SYT17: variants seen among roughly 807,000 people sequenced by gnomAD.
SYT17 encodes synaptotagmin 17.
A neutral mutation model predicts 46.7 loss-of-function variants in SYT17; 22 were observed. That is an observed-to-expected ratio of 0.47 (90% CI 0.34 to 0.67). The LOEUF (loss-of-function observed/expected upper bound fraction) is 0.67, where lower values mean the gene tolerates loss of function less well. SYT17 is among the 30% of genes least tolerant of loss of function. The pLI is 0.01. For missense variants in SYT17, 519 were observed against 612.8 expected (o/e 0.85, Z 1.62); for synonymous variants, 251 against 248.4 (o/e 1.01, Z -0.10).
Position 19,250,253 on chromosome 16 carries a change from C to T in SYT17, c.1229-16627C>T, listed in dbSNP as rs77904098. Reference sequence around the variant, plus strand: ...CACACATCTATCCAACTCTCTCTCTCGACTCATATTTTTATCATACATTTC... The same window carrying T: ...CACACATCTATCCAACTCTCTCTCTTGACTCATATTTTTATCATACATTTC... On this transcript the variant is annotated intron_variant, in intron 7 of 7. Coordinates refer to ENST00000355377, the MANE Select transcript of SYT17 (RefSeq NM_016524.4). Among the ~76,000 whole-genome samples, 1,254 of 152,158 alleles carry T rather than the reference C, an allele frequency of 8.2e-3. 20 individuals carry two copies. Among genetic ancestry groups the T allele is most frequent in the African/African-American group, 0.029 (1,196 of 41,502 alleles).
intron 7 of SYT17, among the ~76,000 whole-genome samples, chr16:19,227,062 G>A (rs1966521804): frequency 6.6e-6 from 1 of 152,028 alleles, no homozygotes; most frequent in East Asian, 1.9e-4. Flanking sequence ...GCGTGCTTAG[G>A]TTTTCTCAGC....
At chr16:19,248,582 A>C (rs1967774353) in intron 7 of SYT17, among the ~76,000 whole-genome samples, 1 of 152,204 alleles carries the variant, frequency 6.6e-6, no homozygotes, top group African/African-American at 2.4e-5. Flanking sequence ...ACACTTTGGG[A>C]GGCTGAGGTG....
chr16:19,196,944 A>G (rs1965270598), intron 5 of SYT17, among the ~76,000 whole-genome samples: 1 of 152,214 alleles, frequency 6.6e-6, no homozygotes, highest in South Asian at 2.1e-4. Flanking sequence ...GCCTGGAGTT[A>G]CAAACGCCCC....
At chr16:19,207,081 C>T (rs955018756) in intron 5 of SYT17, among the ~76,000 whole-genome samples, 24 of 152,108 alleles carry the variant, frequency 1.6e-4, no homozygotes, top group African/African-American at 5.8e-4. Flanking sequence ...TTAAAAGAGC[C>T]TCGTGCCTTC....
chr16:19,196,329 G>T (rs918615764), intron 5 of SYT17, among the ~76,000 whole-genome samples: 12 of 150,326 alleles, frequency 8.0e-5, no homozygotes, highest in Non-Finnish European at 8.9e-5. Context: ...TGCAACCTCC[G>T]CCTCCCGATT....
At chr16:19,246,959 G>A (rs971654820) in intron 7 of SYT17, among the ~76,000 whole-genome samples, 1 of 152,134 alleles carries the variant, frequency 6.6e-6, no homozygotes, top group Non-Finnish European at 1.5e-5. Flanking sequence ...ATGAGAAAAC[G>A]GAAGCAGAGA....
Position 19,220,942 on chromosome 16 carries a change from A to C in SYT17, c.952-2103A>C, listed in dbSNP as rs575005993. Among the ~76,000 whole-genome samples, 18 of 152,150 alleles carry C rather than the reference A, an allele frequency of 1.2e-4. No homozygotes were observed. In the Middle Eastern group the frequency reaches 0.01, roughly 86 times the overall value. On this transcript the variant is annotated intron_variant, in intron 5 of 7. Coordinates refer to ENST00000355377, the MANE Select transcript of SYT17 (RefSeq NM_016524.4). ...CATGATGGCTCATGCCTGTTATCCC[A>C]ACAGTTTGGGAGGCTAAGGCAGGAG...
intron 7 of SYT17, among the ~76,000 whole-genome samples, chr16:19,259,271 C>A (rs997893043): frequency 1.3e-5 from 2 of 152,160 alleles, no homozygotes; most frequent in African/African-American, 4.8e-5. Flanking sequence ...AGTAAAGTTT[C>A]CACTTACTGA....
At chr16:19,190,873 G>A (rs1421847057) in intron 5 of SYT17, among the ~76,000 whole-genome samples, 1 of 151,300 alleles carries the variant, frequency 6.6e-6, no homozygotes, top group Non-Finnish European at 1.5e-5. Context: ...AATGGACAAC[G>A]GTGCCTCCAC....
chr16:19,255,954 G>C (rs147863519), intron 7 of SYT17, among the ~76,000 whole-genome samples: 10 of 152,212 alleles, frequency 6.6e-5, no homozygotes, highest in Admixed American at 2.0e-4. Flanking sequence ...TGGGATCCCA[G>C]AATTTCCCAC....
chr16:19,198,921 C>T (rs767337527), intron 5 of SYT17, among the ~76,000 whole-genome samples: 2 of 152,176 alleles, frequency 1.3e-5, no homozygotes, highest in East Asian at 1.9e-4. Context: ...CAATTGTCAT[C>T]CAAGCAATTC....
chr16:19,211,487 T>A (rs762031594), intron 5 of SYT17: 5 of 703,486 alleles, frequency 7.1e-6, no homozygotes. Flanking sequence ...AATGACAAGG[T>A]GGTGTGATGG....
chr16:19,195,395 C>T (rs1965195153), intron 5 of SYT17, among the ~76,000 whole-genome samples: 1 of 146,378 alleles, frequency 6.8e-6, no homozygotes, highest in African/African-American at 2.6e-5. Flanking sequence ...CAAAACAAAA[C>T]AAACCTTTTT....
chr16:19,230,271 G>T (rs1276854157), intron 7 of SYT17, among the ~76,000 whole-genome samples: 2 of 152,082 alleles, frequency 1.3e-5, no homozygotes, highest in Non-Finnish European at 2.9e-5. Context: ...GCCAGGCGTG[G>T]TAGTGAGCAC....
At chr16:19,252,882 G>A (rs1968288997) in intron 7 of SYT17, among the ~76,000 whole-genome samples, 2 of 152,090 alleles carry the variant, frequency 1.3e-5, no homozygotes, top group African/African-American at 2.4e-5. Flanking sequence ...GTTATGTGTA[G>A]TCCTGCTAAA....
At chr16:19,243,819 C>CAAAAAAAA (rs760219447) in intron 7 of SYT17, among the ~76,000 whole-genome samples, 1 of 56,920 alleles carries the variant, frequency 1.8e-5, no homozygotes, top group Non-Finnish European at 3.2e-5. Flanking sequence ...AAAACTCCAT[C>CAAAAAAAA]AAAAAAAAAA....
intron 3 of SYT17, among the ~76,000 whole-genome samples, chr16:19,175,383 G>A (rs1484824360): frequency 1.3e-5 from 2 of 151,936 alleles, no homozygotes; most frequent in Non-Finnish European, 2.9e-5. Flanking sequence ...GCCGGGTGCC[G>A]TGGCTCTCAT....
chr16:19,187,409 G>A (rs1964829105), intron 5 of SYT17, among the ~76,000 whole-genome samples: 1 of 152,118 alleles, frequency 6.6e-6, no homozygotes, highest in African/African-American at 2.4e-5. Flanking sequence ...GAAGACTGAG[G>A]TACCATCTCT....
intron 7 of SYT17, among the ~76,000 whole-genome samples, chr16:19,260,363 A>T (rs867896936): frequency 5.8e-5 from 7 of 120,672 alleles, no homozygotes; most frequent in African/African-American, 1.8e-4. Flanking sequence ...AAAAAAAAAA[A>T]GCCAGGCATA....
Sources: allele counts gnomAD v4.1 joint callset (sites outside exome capture counted in the v4.1 genomes callset), GRCh38; gene constraint gnomAD v4.1.1; transcripts MANE v1.5; gene names NCBI Gene and HGNC (gene_info 2026-07-23, HGNC 2026-07-21).